Variants in KCNIP4 observed in about 807,000 individuals in gnomAD.
The protein encoded by KCNIP4 is potassium voltage-gated channel interacting protein 4, also known as Kv channel-interacting protein 4.
KCNIP4 carries 12 observed loss-of-function variants against 34.0 expected under a neutral mutation model. The ratio of observed to expected loss-of-function variants is 0.35; its 90% CI spans 0.23 to 0.57. The LOEUF is 0.57. Ranked by LOEUF, KCNIP4 falls within the 20% of genes least tolerant of loss-of-function variation. The pLI is 0.83. For missense variants in KCNIP4, 238 were observed against 311.7 expected, an observed-to-expected ratio of 0.76 and a Z score of 1.78; for synonymous variants, 124 against 102.2, an observed-to-expected ratio of 1.21 and a Z score of -1.29.
At chr4:21,146,531 G>T (rs556969528) in intron 1 of KCNIP4, among the ~76,000 whole-genome samples, 4 of 152,192 alleles carry the variant, frequency 2.6e-5, no homozygotes, top group Non-Finnish European at 5.9e-5. Flanking sequence ...ACACAGGTCA[G>T]AGAGTCTGCT....
chr4:20,880,248 T>C (rs1724524476), intron 2 of KCNIP4, among the ~76,000 whole-genome samples: 1 of 152,150 alleles, frequency 6.6e-6, no homozygotes, highest in Admixed American at 6.6e-5. Flanking sequence ...GCTCTTATCT[T>C]TCTTTGCACT....
chr4:21,202,123 C>A (rs1440997945), intron 1 of KCNIP4, among the ~76,000 whole-genome samples: 3 of 152,090 alleles, frequency 2.0e-5, no homozygotes, highest in Admixed American at 6.6e-5. Flanking sequence ...TGGATATATA[C>A]CCAAAGGAAA....
chr4:21,355,554 G>T (rs144547350), intron 1 of KCNIP4, among the ~76,000 whole-genome samples: 3 of 152,170 alleles, frequency 2.0e-5, no homozygotes, highest in African/African-American at 7.2e-5. Flanking sequence ...AAATCTAGAA[G>T]AAATGGATAA....
At chr4:21,156,234 C>T (rs1201718286) in intron 1 of KCNIP4, among the ~76,000 whole-genome samples, 3 of 152,120 alleles carry the variant, frequency 2.0e-5, no homozygotes, top group African/African-American at 7.2e-5. Context: ...GAAACGGTTG[C>T]TTGGAAGAAG....
intron 1 of KCNIP4, among the ~76,000 whole-genome samples, chr4:21,439,877 C>T (rs1272581689): frequency 6.6e-6 from 1 of 152,192 alleles, no homozygotes; most frequent in Non-Finnish European, 1.5e-5. Context: ...TTTTCTACTG[C>T]AGAGGAAGCA....
intron 1 of KCNIP4, among the ~76,000 whole-genome samples, chr4:21,071,375 T>C (rs1275926324): frequency 2.0e-5 from 3 of 152,188 alleles, no homozygotes; most frequent in Admixed American, 6.5e-5. Context: ...GTTGTTACTG[T>C]TTCTGAACCT....
At chr4:21,563,784 G>C (rs913890291) in intron 1 of KCNIP4, among the ~76,000 whole-genome samples, 4 of 152,036 alleles carry the variant, frequency 2.6e-5, no homozygotes, top group African/African-American at 9.7e-5. Context: ...TTTGAACTGG[G>C]TCTTGGGAAA....
chr4:20,935,947 T>C (rs1436627515), intron 1 of KCNIP4, among the ~76,000 whole-genome samples: 1 of 152,226 alleles, frequency 6.6e-6, no homozygotes, highest in Admixed American at 6.5e-5. Flanking sequence ...TTTAGGCACT[T>C]TGTGAATGTA....
At chr4:21,748,091 T>C (rs1441142575) in intron 1 of KCNIP4, among the ~76,000 whole-genome samples, 1 of 152,166 alleles carries the variant, frequency 6.6e-6, no homozygotes, top group African/African-American at 2.4e-5. Flanking sequence ...TGTGAGAGCA[T>C]AAATTTCTGT....
At chr4:21,815,753 T>C (rs549744713) in intron 1 of KCNIP4, among the ~76,000 whole-genome samples, 1 of 152,164 alleles carries the variant, frequency 6.6e-6, no homozygotes, top group Non-Finnish European at 1.5e-5. Flanking sequence ...GTATACTTTT[T>C]AAATGAGAAA....
chr4:21,411,654 A>C (rs1384311993), intron 1 of KCNIP4, among the ~76,000 whole-genome samples: 1 of 152,044 alleles, frequency 6.6e-6, no homozygotes, highest in Non-Finnish European at 1.5e-5. Flanking sequence ...ATCTGTCCCC[A>C]AAACAAATAA....
intron 3 of KCNIP4, among the ~76,000 whole-genome samples, chr4:20,782,721 G>T (rs1256668508): frequency 6.6e-6 from 1 of 152,130 alleles, no homozygotes; most frequent in Non-Finnish European, 1.5e-5. Flanking sequence ...TGATGGGAGA[G>T]GCTGCTGCAA....
intron 1 of KCNIP4, among the ~76,000 whole-genome samples, chr4:21,710,288 C>T (rs77398125): frequency 0.017 from 2,648 of 152,168 alleles, 77 homozygotes; most frequent in African/African-American, 0.053. Context: ...CTGAGGACGA[C>T]CACACTCACA....
chr4:20,853,735 T>C (rs1158929624), intron 2 of KCNIP4, among the ~76,000 whole-genome samples: 1 of 152,074 alleles, frequency 6.6e-6, no homozygotes, highest in African/African-American at 2.4e-5. Context: ...GAGAAAATCT[T>C]CATAATCTAT....
At chr4:21,726,842 G>C (rs1269776555) in intron 1 of KCNIP4, among the ~76,000 whole-genome samples, 1 of 152,076 alleles carries the variant, frequency 6.6e-6, no homozygotes, top group Non-Finnish European at 1.5e-5. Context: ...ATCCTGATTT[G>C]TGTCAATCAT....
chr4:21,548,239 G>A (rs780004089), intron 1 of KCNIP4, among the ~76,000 whole-genome samples: 7 of 151,928 alleles, frequency 4.6e-5, no homozygotes, highest in South Asian at 2.1e-4. Context: ...GCAGCATTTC[G>A]GATCTTAAGT....
intron 1 of KCNIP4, among the ~76,000 whole-genome samples, chr4:21,586,968 T>C (rs1741670830): frequency 6.6e-6 from 1 of 152,028 alleles, no homozygotes; most frequent in African/African-American, 2.4e-5. Flanking sequence ...GCAAAAGCTG[T>C]AGTCTTATTC....
intron 3 of KCNIP4, among the ~76,000 whole-genome samples, chr4:20,806,157 T>G (rs944032550): frequency 5.9e-5 from 9 of 152,114 alleles, no homozygotes; most frequent in Non-Finnish European, 8.8e-5. Flanking sequence ...AAAAATGAGT[T>G]TCTTTATTGT....
intron 1 of KCNIP4, among the ~76,000 whole-genome samples, chr4:21,320,992 T>A (rs1248433431): frequency 1.7e-5 from 2 of 116,360 alleles, no homozygotes; most frequent in Non-Finnish European, 1.7e-5. Flanking sequence ...AGAGGAAAGT[T>A]AGTCCTACAG....
Sources: gnomAD v4.1 joint callset for allele counts (sites outside exome capture counted in the v4.1 genomes callset) on GRCh38, gnomAD v4.1.1 for gene constraint, MANE v1.5 for transcripts, NCBI Gene and HGNC (gene_info 2026-07-23, HGNC 2026-07-21) for gene names.